The following RB1 variants were observed in gnomAD, a reference collection of about 807,000 sequenced individuals.
The protein encoded by RB1 is RB transcriptional corepressor 1, also known as retinoblastoma-associated protein.
In RB1, 18 loss-of-function variants were observed where a neutral mutation model predicts 135.4. The ratio of observed to expected loss-of-function variants is 0.13; its 90% confidence interval spans 0.09 to 0.20. The LOEUF is 0.20. Ranked by LOEUF, RB1 falls within the 10% of genes least tolerant of loss-of-function variation. The pLI is 1.00. For missense variants in RB1, 868 were observed against 1,110.0 expected, an observed-to-expected ratio of 0.78 and a Z score of 3.10; for synonymous variants, 365 against 373.2, an observed-to-expected ratio of 0.98 and a Z score of 0.25.
At chr13:48,477,325 T>G in intron 25 of RB1, 30 bp from the exon 26 acceptor site, 2 of 1,551,640 alleles carry the variant, frequency 1.3e-6, no homozygotes, top group Non-Finnish European at 1.8e-6. Flanking sequence ...TAAATACACA[T>G]GAAATGTTTT....
At chr13:48,374,351 T>C (rs900560929) in intron 12 of RB1, among the ~76,000 whole-genome samples, 2 of 152,196 alleles carry the variant, frequency 1.3e-5, no homozygotes, top group African/African-American at 4.8e-5. Context: ...ACTGAAATGC[T>C]CATCCACTAA....
chr13:48,477,551 C>A, intron 26 of RB1, 147 bp downstream of exon 26: 2 of 705,126 alleles, frequency 2.8e-6, no homozygotes, highest in South Asian at 1.8e-5. Flanking sequence ...GGTTATTTAT[C>A]TACAAACATT....
intron 2 of RB1, 28 bp from the exon 3 acceptor site, chr13:48,342,571 A>C: frequency 7.6e-7 from 1 of 1,317,900 alleles, no homozygotes; most frequent in South Asian, 1.2e-5. Flanking sequence ...ATTTAATGAA[A>C]TATTTGATCT....
intron 5 of RB1, 49 bp from the exon 6 acceptor site, chr13:48,348,907 C>G (rs1952987282): frequency 6.4e-7 from 1 of 1,574,722 alleles, no homozygotes; most frequent in Non-Finnish European, 8.6e-7. Flanking sequence ...AACTTTCTTT[C>G]AGTGATACAT....
intron 17 of RB1, among the ~76,000 whole-genome samples, chr13:48,391,941 G>A (rs1267354576): frequency 6.6e-6 from 1 of 152,034 alleles, no homozygotes; most frequent in Non-Finnish European, 1.5e-5. Flanking sequence ...TTTCTTGTGT[G>A]CATGTCTACT....
chr13:48,393,509 T>C (rs1208680367), intron 17 of RB1, among the ~76,000 whole-genome samples: 1 of 152,242 alleles, frequency 6.6e-6, no homozygotes, highest in Admixed American at 6.5e-5. Context: ...AATTCTTTTA[T>C]TTATGTTGTT....
intron 17 of RB1, among the ~76,000 whole-genome samples, chr13:48,399,493 T>A (rs1481473333): frequency 6.6e-6 from 1 of 152,038 alleles, no homozygotes; most frequent in East Asian, 1.9e-4. Flanking sequence ...AGCAAGGATA[T>A]GCTACATATG....
At position 48,307,593 on chromosome 13, in the gene RB1, G is replaced by A. The variant is rs181781596; in HGVS notation, c.264+187G>A. 0.012 allele frequency among the ~76,000 whole-genome samples: 1,874 copies of A among 149,996 alleles called. 31 individuals are homozygous for A. Among genetic ancestry groups the A allele is most frequent in the Non-Finnish European group, 0.02 (1,327 of 66,788 alleles). On this transcript the variant is annotated intron_variant, in intron 2 of 26. Coordinates refer to ENST00000267163, the MANE Select transcript of RB1 (RefSeq NM_000321.3). ...TTTGAGGCCGGGCACGGTGGTTCAT[G>A]CCTGTAATCCTACCACTTTGGGAGG...
At chr13:48,443,944 C>T (rs956945985) in intron 17 of RB1, among the ~76,000 whole-genome samples, 1 of 152,126 alleles carries the variant, frequency 6.6e-6, no homozygotes, top group Non-Finnish European at 1.5e-5. Flanking sequence ...TGCTCTCATA[C>T]CACCACAACA....
rs1271889879 is a variant in RB1, at chr13:48,342,705, T to C, written c.371T>C (p.Ile124Thr). 5 of 1,597,166 alleles carry C rather than the reference T, an allele frequency of 3.1e-6. No individual in the cohort carries two copies. Among genetic ancestry groups the C allele is most frequent in the African/African-American group, 1.3e-5 (1 of 74,654 alleles). ...SFTFTELQKN[I>T]EISVHKFFNL... ...ACTTTTACTGAGCTACAGAAAAACATAGAAATCAGGTAAAGTTTCTTGTAT... is the reference window on the plus strand; with the variant it reads ...ACTTTTACTGAGCTACAGAAAAACACAGAAATCAGGTAAAGTTTCTTGTAT... The change falls in exon 3 of 27, where the codon ATA becomes ACA. Residue 124 changes from isoleucine (I) to threonine (T), a missense_variant. Transcript: ENST00000267163.
chr13:48,332,991 A>C, intron 2 of RB1: 1 of 398,348 alleles, frequency 2.5e-6, no homozygotes, highest in Non-Finnish European at 4.4e-6. Flanking sequence ...AAAGTATGTG[A>C]ATGTAGTCTG....
At chr13:48,444,799 A>T (rs920460231) in intron 17 of RB1, 1 of 152,210 alleles carries the variant, frequency 6.6e-6, no homozygotes, top group Non-Finnish European at 1.5e-5. Flanking sequence ...TCTTAAAGAC[A>T]CACAATTTAC....
intron 17 of RB1, among the ~76,000 whole-genome samples, chr13:48,393,308 G>C (rs1410988433): frequency 6.6e-6 from 1 of 152,126 alleles, no homozygotes; most frequent in Non-Finnish European, 1.5e-5. Context: ...GTTTGCCTTG[G>C]CATCTCCCAT....
intron 8 of RB1, among the ~76,000 whole-genome samples, chr13:48,364,250 G>GA (rs1250297295): frequency 5.3e-5 from 8 of 152,072 alleles, no homozygotes; most frequent in East Asian, 1.9e-4. Context: ...TACAAATACA[G>GA]AAAAAATTAA....
chr13:48,480,765 A>G lies in RB1; in HGVS notation c.*694A>G, dbSNP rs969360031. 2.2e-5 allele frequency: 5 copies of G among 226,854 alleles called. No individual in the cohort carries two copies. Among genetic ancestry groups the G allele is most frequent in the East Asian group, 6.5e-5 (1 of 15,486 alleles). The allele number at this position is 226,854 out of a possible 1,614,324, so 14.1% of individuals were successfully genotyped here. ...TACTGAAACAGATTTCATACCTCAG[A>G]ATGTAAAAGAACTTACTGATTATTT... On this transcript the variant is annotated 3_prime_UTR_variant, in exon 27 of 27. Coordinates refer to ENST00000267163, the MANE Select transcript of RB1 (RefSeq NM_000321.3).
chr13:48,346,645 TTATAAA>T (rs760859774), intron 4 of RB1, among the ~76,000 whole-genome samples: 2 of 151,940 alleles, frequency 1.3e-5, no homozygotes, highest in African/African-American at 2.4e-5. Flanking sequence ...ACATAAAATG[TTATAAA>T]TATAAAATAA....
At chr13:48,447,006 A>ATC (rs1949292503) in intron 17 of RB1, among the ~76,000 whole-genome samples, 1 of 152,232 alleles carries the variant, frequency 6.6e-6, no homozygotes. Flanking sequence ...ATGCTTTTGC[A>ATC]GTGGGACAGA....
intron 17 of RB1, among the ~76,000 whole-genome samples, chr13:48,440,648 T>C (rs963511865): frequency 1.3e-5 from 2 of 152,208 alleles, no homozygotes; most frequent in African/African-American, 2.4e-5. Flanking sequence ...ATTAATTATA[T>C]GATTTTGTTT....
At chr13:48,352,895 A>G (rs1407607420) in intron 6 of RB1, among the ~76,000 whole-genome samples, 1 of 152,106 alleles carries the variant, frequency 6.6e-6, no homozygotes, top group Non-Finnish European at 1.5e-5. Context: ...ACTTTGTTGA[A>G]TAGGAGTGGT....
Sources: gnomAD v4.1 joint callset for allele counts (sites outside exome capture counted in the v4.1 genomes callset) on GRCh38, gnomAD v4.1.1 for gene constraint, MANE v1.5 for transcripts, NCBI Gene and HGNC (gene_info 2026-07-23, HGNC 2026-07-21) for gene names.